The following RAB33B variants were observed in gnomAD, a reference collection of about 807,000 sequenced individuals.
RAB33B encodes the protein RAB33B, member RAS oncogene family.
A neutral mutation model predicts 15.0 loss-of-function variants in RAB33B; 6 were observed. That is an observed-to-expected ratio of 0.40 (90% CI 0.22 to 0.79). RAB33B has a LOEUF of 0.79. RAB33B is among the 30% of genes least tolerant of loss of function. The pLI is 0.37. For synonymous variants in RAB33B, 117 were observed against 108.3 expected, an observed-to-expected ratio of 1.08 and a Z score of -0.50; for missense variants, 257 against 296.4, an observed-to-expected ratio of 0.87 and a Z score of 0.98.
chr4:139,464,658 G>A (rs953424074), intron 1 of RAB33B, among the ~76,000 whole-genome samples: 7 of 152,074 alleles, frequency 4.6e-5, no homozygotes, highest in Admixed American at 3.3e-4. Context: ...CTGTCCTTGT[G>A]ATAGTTTGCT....
Position 139,473,003 on chromosome 4 carries a change from A to G in RAB33B, c.567A>G (p.Glu189=). ...AKNPNDNDHV[E]AIFMTLAHKL... Reference sequence around the variant, plus strand: ...ACCCCAATGATAATGACCATGTGGAAGCTATATTTATGACCTTGGCTCATA... The same window carrying G: ...ACCCCAATGATAATGACCATGTGGAGGCTATATTTATGACCTTGGCTCATA... Residue 189 remains glutamate (E), a synonymous_variant, in exon 2 of 2, where the codon GAA becomes GAG. Transcript: ENST00000305626. 2 of 1,614,194 alleles carry G rather than the reference A, an allele frequency of 1.2e-6. No individual in the cohort carries two copies. The highest frequency in any genetic ancestry group is 1.7e-6 in the Non-Finnish European group (2 of 1,180,026).
chr4:139,457,385 T>C (rs1378221542), intron 1 of RAB33B, among the ~76,000 whole-genome samples: 1 of 152,240 alleles, frequency 6.6e-6, no homozygotes, highest in Non-Finnish European at 1.5e-5. Flanking sequence ...TCATGACTAA[T>C]TGTATTCCTT....
intron 1 of RAB33B, among the ~76,000 whole-genome samples, chr4:139,459,939 T>C (rs1750141699): frequency 6.6e-6 from 1 of 152,192 alleles, no homozygotes; most frequent in African/African-American, 2.4e-5. Flanking sequence ...CCTAGTTCAG[T>C]TCTTAAACCA....
intron 1 of RAB33B, among the ~76,000 whole-genome samples, chr4:139,466,332 A>G (rs1296249282): frequency 6.6e-6 from 1 of 152,170 alleles, no homozygotes; most frequent in African/African-American, 2.4e-5. Context: ...CATTGCTAAT[A>G]TTTTGGTATA....
At chr4:139,450,943 C>G (rs371398748), upstream of RAB33B, 1 of 149,710 alleles carries the variant, frequency 6.7e-6, no homozygotes, top group South Asian at 2.1e-4. Context: ...TTCTTGTCCC[C>G]GAGGCTGAAG....
intron 1 of RAB33B, among the ~76,000 whole-genome samples, chr4:139,465,709 ACTT>A (rs201450717): frequency 1.6e-3 from 239 of 147,866 alleles, no homozygotes; most frequent in African/African-American, 3.2e-3. Flanking sequence ...TTAGGATTAA[ACTT>A]CTTCTTCTTC....
At chr4:139,448,882 GTGTT>G (rs1560999688), upstream of RAB33B, 3 of 152,344 alleles carry the variant, frequency 2.0e-5, no homozygotes, top group Non-Finnish European at 2.9e-5. Flanking sequence ...GCACAAGTGT[GTGTT>G]AGTGTGTGCA....
rs774461284 is a variant in RAB33B at position 139,474,543 on chromosome 4, A to G, written c.*1417A>G. ...GTGTGAAGGCACAACTCTAATTGCT[A>G]TTAGTCTACATGTATTTCTGTAATA... On this transcript the variant is annotated 3_prime_UTR_variant, in exon 2 of 2. Transcript: ENST00000305626. 1.3e-5 allele frequency: 2 copies of G among 152,584 alleles called. No homozygotes were observed. The highest frequency in any genetic ancestry group is 1.9e-4 in the East Asian group (1 of 5,200). 9.5% of individuals were successfully genotyped at this position (152,584 alleles called of 1,614,324 possible).
the RAB33B span, among the ~76,000 whole-genome samples, chr4:139,443,727 C>A: frequency 1.4e-4 from 22 of 152,284 alleles, no homozygotes; most frequent in African/African-American, 4.8e-4. Context: ...AGCTTGTAAA[C>A]GCTGATGAAC....
In RAB33B at chr4:139,472,901, C is replaced by T. The variant is rs1006766806; in HGVS notation, c.465C>T (p.Ala155=). The T allele has an allele frequency of 6.2e-7, 1 of 1,614,142 alleles. No individual in the cohort carries two copies. Among genetic ancestry groups the T allele is most frequent in the Non-Finnish European group, 8.5e-7 (1 of 1,180,020 alleles). Residue 155 remains alanine, a synonymous_variant, in exon 2 of 2, where the codon GCC becomes GCT. Coordinates refer to ENST00000305626, the MANE Select transcript of RAB33B (RefSeq NM_031296.3). The stretch of plus-strand genomic sequence containing the variant: ...GAAATAAATGTGACTTGAGAAGTGC[C>T]ATACAGGTACCCACAGACTTGGCAC... ...LVGNKCDLRS[A]IQVPTDLAQK... is the part of the protein sequence containing the mutation.
chr4:139,468,225 C>T (rs1750327818), intron 1 of RAB33B, among the ~76,000 whole-genome samples: 1 of 152,150 alleles, frequency 6.6e-6, no homozygotes, highest in Non-Finnish European at 1.5e-5. Context: ...GAAACTCCCC[C>T]TTTTAAAACC....
chr4:139,474,234 A>G lies in RAB33B; in HGVS notation c.*1108A>G, dbSNP rs963402713. Reference sequence around the variant, plus strand: ...CTTTCTTACTAAATCCTATTAAAATATGCAAAAATAAGTCAGATTTTAAGG... The same window carrying G: ...CTTTCTTACTAAATCCTATTAAAATGTGCAAAAATAAGTCAGATTTTAAGG... On this transcript the variant is annotated 3_prime_UTR_variant, in exon 2 of 2. Transcript: ENST00000305626. 1.3e-5 allele frequency: 2 copies of G among 152,188 alleles called. No homozygotes were observed. The highest frequency in any genetic ancestry group is 4.8e-5 in the African/African-American group (2 of 41,458). The allele number at this position is 152,188 out of a possible 1,614,324, so 9.4% of individuals were successfully genotyped here.
intron 1 of RAB33B, among the ~76,000 whole-genome samples, chr4:139,455,910 C>T (rs1039817264): frequency 6.6e-6 from 1 of 152,144 alleles, no homozygotes; most frequent in Non-Finnish European, 1.5e-5. Flanking sequence ...ACTAGGGTGA[C>T]CAACTTTGCC....
At chr4:139,467,813 G>A (rs892288873) in intron 1 of RAB33B, among the ~76,000 whole-genome samples, 12 of 151,396 alleles carry the variant, frequency 7.9e-5, no homozygotes, top group African/African-American at 1.5e-4. Context: ...AGCTGAGATC[G>A]TGCTGCTGCA....
the RAB33B span, among the ~76,000 whole-genome samples, chr4:139,447,377 G>T: frequency 6.6e-6 from 1 of 152,118 alleles, no homozygotes; most frequent in Non-Finnish European, 1.5e-5. Flanking sequence ...AGGAATCAAG[G>T]GGTGGAAGTG....
Position 139,473,817 on chromosome 4 carries a change from C to G in RAB33B, c.*691C>G, listed in dbSNP as rs1750445174. The G allele has an allele frequency of 6.6e-6, 1 of 150,928 alleles. No homozygotes were observed. The highest frequency in any genetic ancestry group is 2.4e-5 in the African/African-American group (1 of 41,030). 9.3% of individuals were successfully genotyped at this position (150,928 alleles called of 1,614,324 possible). ...ATAAAGAATGACTTTTCCAAGAGTT[C>G]TAGATGTTTGATTTTCTAATTAATA... On this transcript the variant is annotated 3_prime_UTR_variant, in exon 2 of 2. Transcript: ENST00000305626.
In RAB33B at chr4:139,462,296, G is replaced by A. The variant is rs995567099; in HGVS notation, c.249+7852G>A. ...TCTCGATCTCCTGACCTCATGATCC[G>A]CCTGCCTCGGCCTCCCAAAGTGCTG... On this transcript the variant is annotated intron_variant, in intron 1 of 1. Transcript: ENST00000305626. Among the ~76,000 whole-genome samples the A allele has an allele frequency of 5.3e-5, 8 of 151,938 alleles. No individual in the cohort carries two copies. In the East Asian group the frequency reaches 5.8e-4, roughly 11 times the overall value.
chr4:139,438,577 C>T, the RAB33B span, among the ~76,000 whole-genome samples: 71 of 151,194 alleles, frequency 4.7e-4, 1 homozygote, highest in South Asian at 0.01. Context: ...TGACTACCTG[C>T]CAACCCGGAA....
intron 1 of RAB33B, among the ~76,000 whole-genome samples, chr4:139,465,778 G>A (rs939191768): frequency 6.8e-6 from 1 of 147,594 alleles, no homozygotes; most frequent in Admixed American, 6.8e-5. Flanking sequence ...TGCCCAGGCT[G>A]GAGTGCAGTG....
Sources: gnomAD v4.1 joint callset for allele counts (sites outside exome capture counted in the v4.1 genomes callset) on GRCh38, gnomAD v4.1.1 for gene constraint, MANE v1.5 for transcripts, NCBI Gene and HGNC (gene_info 2026-07-23, HGNC 2026-07-21) for gene names.